The following RYR1 variants were observed in gnomAD, a reference collection of about 807,000 sequenced individuals.
RYR1 encodes the protein central core disease of muscle.
RYR1 carries 342 observed loss-of-function variants against 583.5 expected under a neutral mutation model. That is an observed-to-expected ratio of 0.59 (90% CI 0.54 to 0.64). The LOEUF (loss-of-function observed/expected upper bound fraction) is 0.64. Among genes scored for constraint, RYR1 ranks in the 30% least tolerant of loss-of-function variants. The probability of loss-of-function intolerance (pLI) is 0.00; values close to 1 mark genes in which losing one functional copy is unlikely to be tolerated. For missense variants in RYR1, 6,032 were observed against 6,917.2 expected (o/e 0.87, Z 4.54); for synonymous variants, 2,791 against 2,822.5 (o/e 0.99, Z 0.35).
chr19:38,485,432 G>A (rs1259676229), intron 33 of RYR1, among the ~76,000 whole-genome samples, 158 bp from the exon 34 acceptor site: 2 of 152,194 alleles, frequency 1.3e-5, no homozygotes. Context: ...TCTTCTCCCA[G>A]GATGGGTGAA....
At position 38,506,478 on chromosome 19, in the gene RYR1, C is replaced by G; in HGVS notation, c.8624C>G (p.Ala2875Gly). ...VTLSRELQAMAEQLAENYHNT... is the reference protein window; with the variant it reads ...VTLSRELQAMGEQLAENYHNT... Reference sequence around the variant, plus strand: ...CTCTGCATCCACTCCCAGGCCATGGCAGAACAACTGGCAGAAAATTACCAC... The same window carrying G: ...CTCTGCATCCACTCCCAGGCCATGGGAGAACAACTGGCAGAAAATTACCAC... The change falls in exon 56 of 106, where the codon GCA (alanine) becomes GGA (glycine). Residue 2875 changes from alanine (A) to glycine (G), a missense_variant. Coordinates refer to ENST00000359596, the MANE Select transcript of RYR1 (RefSeq NM_000540.3). 1 of 1,614,066 alleles carries G rather than the reference C, an allele frequency of 6.2e-7. No homozygotes were observed. The highest frequency in any genetic ancestry group is 1.1e-5 in the South Asian group (1 of 91,066).
rs193922815 is a variant in RYR1, at chr19:38,500,637, G to A, written c.7355G>A (p.Arg2452Gln). The change falls in exon 46 of 106, where the codon CGG becomes CAG. Residue 2452 changes from arginine (R) to glutamine (Q), a missense_variant. Transcript: ENST00000359596. The surrounding 1 kb of genome is among the most constrained non-coding windows in gnomAD (Gnocchi z 5.9). Reference protein sequence around the residue: ...LIQAGKGEALRIRAILRSLVP... With the variant: ...LIQAGKGEALQIRAILRSLVP... ...CAAGCCGGCAAGGGTGAGGCCCTGC[G>A]GATCCGCGCCATCCTCCGCTCCCTT... 9 of 1,613,622 alleles carry A rather than the reference G, an allele frequency of 5.6e-6. No homozygotes were observed. Among genetic ancestry groups the A allele is most frequent in the South Asian group, 1.1e-5 (1 of 91,054 alleles).
At chr19:38,465,179 C>T (rs1568460659) in intron 23 of RYR1, among the ~76,000 whole-genome samples, 1 of 152,148 alleles carries the variant, frequency 6.6e-6, no homozygotes, top group East Asian at 1.9e-4. Flanking sequence ...GAGTAAGAAA[C>T]CTCAGAGTGG....
intron 56 of RYR1, 50 bp downstream of exon 56, chr19:38,506,596 G>T (rs1229003226): frequency 2.5e-6 from 4 of 1,604,682 alleles, no homozygotes; most frequent in Non-Finnish European, 3.4e-6. Flanking sequence ...TTCACCGTGT[G>T]GTTTTGCTGA....
chr19:38,578,274 G>A, intron 99 of RYR1, 70 bp downstream of exon 99: 1 of 1,521,938 alleles, frequency 6.6e-7, no homozygotes, highest in Non-Finnish European at 9.0e-7. Context: ...CCCAACGTCG[G>A]GTGTTCCTGA....
rs1210902686 is a variant in RYR1, at chr19:38,505,024, G to A, written c.8253G>A (p.Leu2751=). Residue 2751 remains leucine (L), a synonymous_variant, in exon 52 of 106, where the codon CTG becomes CTA. Transcript: ENST00000359596. ...ETLNVIIPEK[L]DSFINKFAEY... is the part of the protein sequence containing the mutation. Reference sequence around the variant, plus strand: ...ACAGTGTGATCATCCCGGAGAAGCTGGACTCCTTCATTAACAAGTTTGCGG... The same window carrying A: ...ACAGTGTGATCATCCCGGAGAAGCTAGACTCCTTCATTAACAAGTTTGCGG... 6.2e-7 allele frequency: 1 copy of A among 1,614,118 alleles called. No individual in the cohort carries two copies. The highest frequency in any genetic ancestry group is 1.1e-5 in the South Asian group (1 of 91,076).
At chr19:38,582,118 C>T (rs970531940) in intron 101 of RYR1, among the ~76,000 whole-genome samples, 3 of 152,052 alleles carry the variant, frequency 2.0e-5, no homozygotes, top group Admixed American at 6.6e-5. Context: ...TAGACCATTG[C>T]CTTGCACGGT....
Position 38,463,761 on chromosome 19 carries a change from C to A in RYR1, c.2697C>A (p.Asn899Lys), listed in dbSNP as rs201401814. The A allele has an allele frequency of 1.7e-5, 27 of 1,613,994 alleles. No homozygotes were observed. Among genetic ancestry groups the A allele is most frequent in the Middle Eastern group, 1.6e-4 (1 of 6,084 alleles). Residue 899 changes from asparagine to lysine, a missense_variant, in exon 22 of 106, where the codon AAC becomes AAA. Around this residue, in one of 11 missense-constraint regions of RYR1, gnomAD observed 2,627 missense variants for 2,961.3 expected, o/e 0.89. Transcript: ENST00000359596. ...GWTYGPVRDD[N>K]KRLHPCLVDF... ...GTTTTCTCCAGGTTCGGGATGACAACAAGAGGCTGCACCCGTGTCTTGTGG... is the reference window on the plus strand; with the variant it reads ...GTTTTCTCCAGGTTCGGGATGACAAAAAGAGGCTGCACCCGTGTCTTGTGG...
At chr19:38,523,350 C>CG (rs764033251) in intron 69 of RYR1, 41 bp downstream of exon 69, 17 of 1,611,060 alleles carry the variant, frequency 1.1e-5, no homozygotes, top group Non-Finnish European at 1.4e-5. Flanking sequence ...GCAGAGAGGG[C>CG]GGGAGCACCC....
At position 38,499,483 on chromosome 19, in the gene RYR1, G is replaced by A. The variant is rs1490076944; in HGVS notation, c.7028-152G>A. ...TACCCCTAGAGGTGTTGGGTCCTGG[G>A]GCTGGCAGGGGCCTGGTGTTACCTC... On this transcript the variant is annotated intron_variant, in intron 43 of 105. Transcript: ENST00000359596. The surrounding 1 kb of genome is among the most constrained non-coding windows in gnomAD (Gnocchi z 7.3). 4 of 922,678 alleles carry A rather than the reference G, an allele frequency of 4.3e-6. No individual in the cohort carries two copies. Among genetic ancestry groups the A allele is most frequent in the Non-Finnish European group, 6.2e-6 (4 of 641,876 alleles). The allele number at this position is 922,678 out of a possible 1,614,324, so 57.2% of individuals were successfully genotyped here. A position where few individuals can be genotyped will look rare whatever the true frequency, so the allele number is the denominator to read the frequency against.
intron 42 of RYR1, among the ~76,000 whole-genome samples, chr19:38,498,220 G>C (rs530216463): frequency 6.6e-6 from 1 of 152,132 alleles, no homozygotes; most frequent in Admixed American, 6.6e-5. Flanking sequence ...GCATCTCATC[G>C]GTCACAACAA....
Position 38,485,608 on chromosome 19 carries a change from G to GCTGTCGGAGCGCCTGGAC in RYR1, c.4957_4974dup (p.Ser1653_Leu1658dup), listed in dbSNP as rs1969240057. The GCTGTCGGAGCGCCTGGAC allele has an allele frequency of 6.2e-7, 1 of 1,609,538 alleles. No homozygotes were observed. Among genetic ancestry groups the GCTGTCGGAGCGCCTGGAC allele is most frequent in the African/African-American group, 1.3e-5 (1 of 74,902 alleles). On this transcript the variant is annotated inframe_insertion, in exon 34 of 106. Transcript: ENST00000359596. ...GCTGCAGGTGCATGGACATCCTGGA[G>GCTGTCGGAGCGCCTGGAC]CTGTCGGAGCGCCTGGACCTGCAGC...
Position 38,565,196 on chromosome 19 carries a change from ACGGCGG to A in RYR1, c.12869_12874del (p.Ala4290_Ala4291del), listed in dbSNP as rs1228854800. ...GGCGGGGCTCGAGGGCACGGCGGCC[ACGGCGG>A]CGGCGGGGGCGACGGCGCGGGTTGT... On this transcript the variant is annotated inframe_deletion, in exon 91 of 106. Coordinates refer to ENST00000359596, the MANE Select transcript of RYR1 (RefSeq NM_000540.3). This position sits in a 1 kb window ranked among gnomAD's most constrained non-coding sequence, Gnocchi z 4.7. The A allele has an allele frequency of 2.0e-5, 21 of 1,036,226 alleles. No homozygotes were observed. The highest frequency in any genetic ancestry group is 2.4e-5 in the Non-Finnish European group (21 of 865,042). The allele number at this position is 1,036,226 out of a possible 1,614,324, so 64.2% of individuals were successfully genotyped here. A position where few individuals can be genotyped will look rare whatever the true frequency, so the allele number is the denominator to read the frequency against.
In RYR1 at chr19:38,577,945, G is replaced by A. The variant is rs1456212776; in HGVS notation, c.14200G>A (p.Gly4734Arg). 18 of 1,614,064 alleles carry A rather than the reference G, an allele frequency of 1.1e-5. No individual in the cohort carries two copies. Among genetic ancestry groups the A allele is most frequent in the Non-Finnish European group, 1.4e-5 (16 of 1,180,012 alleles). Reference sequence around the variant, plus strand: ...CCTGGACAAACATGGGGACATCTACGGGCGGGAGCGGATTGCTGAGCTACT... The same window carrying A: ...CCTGGACAAACATGGGGACATCTACAGGCGGGAGCGGATTGCTGAGCTACT... ...KVLDKHGDIY[G>R]RERIAELLGM... The change falls in exon 98 of 106, where the codon GGG (glycine) becomes AGG (arginine). Residue 4734 changes from glycine to arginine, a missense_variant. By Grantham distance (125) the Gly-to-Arg change is moderately radical. Transcript: ENST00000359596.
At chr19:38,526,493 C>T (rs1343579747) in intron 71 of RYR1, among the ~76,000 whole-genome samples, 1 of 152,008 alleles carries the variant, frequency 6.6e-6, no homozygotes, top group Non-Finnish European at 1.5e-5. Flanking sequence ...CCAGAGAGCC[C>T]TCCAGGGCTC....
rs567728912 is a variant in RYR1 at position 38,456,961 on chromosome 19, A to G, written c.1792-536A>G. ...CTCGGGAGGCTGAGGCAGGAGAATGATGTGAACCCGGGAGGCAGAGCTTGC... is the reference window on the plus strand; with the variant it reads ...CTCGGGAGGCTGAGGCAGGAGAATGGTGTGAACCCGGGAGGCAGAGCTTGC... On this transcript the variant is annotated intron_variant, in intron 16 of 105. Transcript: ENST00000359596. Among the ~76,000 whole-genome samples the G allele has an allele frequency of 4.3e-5, 6 of 139,884 alleles. No homozygotes were observed. The East Asian group carries it at 1.5e-3, about 34-fold the overall frequency. 91.8% of individuals were successfully genotyped at this position (139,884 alleles called of 152,430 possible).
chr19:38,532,834 G>T (rs1971802355), intron 78 of RYR1, 98 bp downstream of exon 78: 20 of 1,275,290 alleles, frequency 1.6e-5, no homozygotes, highest in Middle Eastern at 2.5e-4. Context: ...CAAAGCTCTG[G>T]GGACACAGCA....
Position 38,564,992 on chromosome 19 carries a change from G to A in RYR1, c.12658G>A (p.Val4220Met). ...KESKRQFIFD[V>M]VNEGGEAEKM... ...GTCCAAGCGCCAGTTCATCTTCGACGTGGTGAACGAGGGCGGCGAGGCTGA... is the reference window on the plus strand; with the variant it reads ...GTCCAAGCGCCAGTTCATCTTCGACATGGTGAACGAGGGCGGCGAGGCTGA... Residue 4220 changes from valine (V) to methionine (M), a missense_variant, in exon 91 of 106, where the codon GTG (valine) becomes ATG (methionine). Val to Met is a conservative substitution (Grantham distance 21). Coordinates refer to ENST00000359596, the MANE Select transcript of RYR1 (RefSeq NM_000540.3). 3 of 1,592,518 alleles carry A rather than the reference G, an allele frequency of 1.9e-6. No individual in the cohort carries two copies. The highest frequency in any genetic ancestry group is 2.6e-6 in the Non-Finnish European group (3 of 1,170,296).
At chr19:38,481,516 CCTT>C (rs997768751) in intron 31 of RYR1, among the ~76,000 whole-genome samples, 17 of 152,132 alleles carry the variant, frequency 1.1e-4, no homozygotes, top group African/African-American at 4.1e-4. Flanking sequence ...CCCCTCCATT[CCTT>C]CTTCTTTCCC....
Sources: gnomAD v4.1 joint callset for allele counts (sites outside exome capture counted in the v4.1 genomes callset) on GRCh38, gnomAD v4.1.1 for gene constraint, gnomAD v4.1.1 regional missense constraint, Gnocchi (gnomAD v3.1) non-coding constraint, MANE v1.5 for transcripts, NCBI Gene and HGNC (gene_info 2026-07-23, HGNC 2026-07-21) for gene names.